The following COL4A4 variants were observed in gnomAD, a reference collection of about 807,000 sequenced individuals.
COL4A4 encodes collagen alpha-4(IV) chain.
Under a neutral mutation model 192.9 loss-of-function variants are expected in COL4A4, and 105 were observed. That is an observed-to-expected ratio of 0.54 (90% CI 0.46 to 0.64). COL4A4 has a LOEUF of 0.64. COL4A4 is among the 30% of genes least tolerant of loss of function. The pLI is 0.00. For synonymous variants in COL4A4, 762 were observed against 769.9 expected (o/e 0.99, Z 0.17); for missense variants, 1,967 against 2,169.3 (o/e 0.91, Z 1.85).
chr2:227,041,848 G>GAAAAGAA (rs1243663359), intron 37 of COL4A4, among the ~76,000 whole-genome samples: 1 of 38,692 alleles, frequency 2.6e-5, no homozygotes, highest in South Asian at 9.4e-4. Context: ...AAGAAAGAAA[G>GAAAAGAA]AGAAAGAAAG....
chr2:227,120,875 G>T (rs1430197380), intron 5 of COL4A4, 139 bp downstream of exon 5: 3 of 1,107,622 alleles, frequency 2.7e-6, no homozygotes, highest in Non-Finnish European at 2.6e-6. Flanking sequence ...GGAGGCGAAG[G>T]CTGCAGTGAG....
At chr2:227,115,883 T>C (rs1490925447) in intron 7 of COL4A4, among the ~76,000 whole-genome samples, 1 of 151,378 alleles carries the variant, frequency 6.6e-6, no homozygotes, top group Non-Finnish European at 1.5e-5. Context: ...TCAGTCACCA[T>C]TGTGTATTGA....
the COL4A4 span, chr2:226,995,536 G>A: frequency 6.4e-7 from 1 of 1,557,350 alleles, no homozygotes; most frequent in Non-Finnish European, 8.8e-7. Flanking sequence ...GGCATCTTGG[G>A]AAGACATGGC....
chr2:227,072,859 A>G (rs1219121891), intron 25 of COL4A4, among the ~76,000 whole-genome samples: 1 of 152,082 alleles, frequency 6.6e-6, no homozygotes, highest in East Asian at 1.9e-4. Context: ...CTTTATGACA[A>G]AAAATCTCAA....
intron 1 of COL4A4, among the ~76,000 whole-genome samples, chr2:227,160,099 G>A (rs1300182888): frequency 6.6e-6 from 1 of 152,142 alleles, no homozygotes; most frequent in Non-Finnish European, 1.5e-5. Flanking sequence ...GAAGGTGTGA[G>A]GTGAGGAAGT....
intron 43 of COL4A4, among the ~76,000 whole-genome samples, chr2:227,023,874 T>C (rs1255832386): frequency 6.6e-6 from 1 of 151,808 alleles, no homozygotes; most frequent in Non-Finnish European, 1.5e-5. Context: ...TAGCCGGGTG[T>C]GGTGGTGCAC....
intron 25 of COL4A4, among the ~76,000 whole-genome samples, chr2:227,067,483 C>G (rs1332821099): frequency 6.6e-6 from 1 of 152,158 alleles, no homozygotes; most frequent in African/African-American, 2.4e-5. Flanking sequence ...CATTCCTCAG[C>G]AAATGTAAAA....
At chr2:226,991,596 A>G in the COL4A4 span, among the ~76,000 whole-genome samples, 1 of 152,222 alleles carries the variant, frequency 6.6e-6, no homozygotes, top group South Asian at 2.1e-4. Flanking sequence ...TTCAGCAGGC[A>G]TTTACTGTCA....
intron 4 of COL4A4, among the ~76,000 whole-genome samples, chr2:227,135,098 T>A (rs567220230): frequency 6.6e-6 from 1 of 152,308 alleles, no homozygotes; most frequent in South Asian, 2.1e-4. Context: ...ATTCACACCC[T>A]TAAAGATGGG....
downstream of COL4A4, among the ~76,000 whole-genome samples, chr2:227,001,980 C>T (rs1961072551): frequency 6.6e-6 from 1 of 151,992 alleles, no homozygotes; most frequent in Non-Finnish European, 1.5e-5. Context: ...TAAGACGAGC[C>T]TGGGCAGCAG....
intron 12 of COL4A4, 184 bp from the exon 13 acceptor site, chr2:227,104,236 A>G (rs2060686675): frequency 3.2e-6 from 2 of 624,382 alleles, no homozygotes; most frequent in Admixed American, 5.2e-5. Flanking sequence ...ATACACACTT[A>G]TTGTTAAAAA....
At chr2:227,143,624 GA>G (rs1301975783) in intron 3 of COL4A4, among the ~76,000 whole-genome samples, 1 of 151,894 alleles carries the variant, frequency 6.6e-6, no homozygotes. Flanking sequence ...TTTATAACAG[GA>G]AAAAGAATAT....
chr2:226,984,730 A>G, the COL4A4 span, among the ~76,000 whole-genome samples: 1 of 152,206 alleles, frequency 6.6e-6, no homozygotes, highest in South Asian at 2.1e-4. Flanking sequence ...CCTAGAACTC[A>G]TGGAATACTC....
chr2:226,971,042 C>G, the COL4A4 span, among the ~76,000 whole-genome samples: 1 of 152,184 alleles, frequency 6.6e-6, no homozygotes, highest in Admixed American at 6.5e-5. Flanking sequence ...ATTTCGTAGA[C>G]ACTTAATTAA....
intron 25 of COL4A4, among the ~76,000 whole-genome samples, chr2:227,063,641 T>C (rs1197337369): frequency 6.6e-6 from 1 of 152,126 alleles, no homozygotes; most frequent in African/African-American, 2.4e-5. Context: ...GAAAGTCATT[T>C]TATTGTTTGA....
In COL4A4 at chr2:227,140,181, C is replaced by T; in HGVS notation, c.172G>A (p.Val58Ile). ...GGRDCSVCHC[V>I]PEKGSRGPPG... ...CTTACCCGAGACCCCTTTTCAGGAACACAGTGGCAAACAGAGCAATCTCTT... is the reference window on the plus strand; with the variant it reads ...CTTACCCGAGACCCCTTTTCAGGAATACAGTGGCAAACAGAGCAATCTCTT... Residue 58 changes from valine (V) to isoleucine (I), a missense_variant, in exon 4 of 48, where the codon GTT becomes ATT. Val to Ile is a conservative substitution (Grantham distance 29). Coordinates refer to ENST00000396625, the MANE Select transcript of COL4A4 (RefSeq NM_000092.5). 6.2e-7 allele frequency: 1 copy of T among 1,614,084 alleles called. No homozygotes were observed. Among genetic ancestry groups the T allele is most frequent in the Non-Finnish European group, 8.5e-7 (1 of 1,179,954 alleles).
intron 35 of COL4A4, among the ~76,000 whole-genome samples, chr2:227,045,813 T>C (rs866116490): frequency 1.1e-4 from 4 of 34,984 alleles, no homozygotes; most frequent in African/African-American, 6.4e-4. Context: ...TATATATATA[T>C]ATACACATAT....
At position 227,103,212 on chromosome 2, in the gene COL4A4, G is replaced by T; in HGVS notation, c.817-15C>A. On this transcript the variant is annotated splice_polypyrimidine_tract_variant and intron_variant, in intron 13 of 47. Coordinates refer to ENST00000396625, the MANE Select transcript of COL4A4 (RefSeq NM_000092.5). ...CCTTTTATACCCTAAAAATTACAAT[G>T]AATATAATTTGGTCTATTCTTATTA... 3 of 1,600,570 alleles carry T rather than the reference G, an allele frequency of 1.9e-6. No homozygotes were observed. Among genetic ancestry groups the T allele is most frequent in the Non-Finnish European group, 2.6e-6 (3 of 1,169,074 alleles).
chr2:227,066,838 C>A (rs1195045912), intron 25 of COL4A4, among the ~76,000 whole-genome samples: 3 of 151,808 alleles, frequency 2.0e-5, no homozygotes, highest in African/African-American at 7.3e-5. Flanking sequence ...CTAACATCAT[C>A]ATGACAGGAT....
Sources: gnomAD v4.1 joint callset for allele counts (sites outside exome capture counted in the v4.1 genomes callset) on GRCh38, gnomAD v4.1.1 for gene constraint, MANE v1.5 for transcripts, NCBI Gene and HGNC (gene_info 2026-07-23, HGNC 2026-07-21) for gene names.